Variants in SLC22A24 observed in about 807,000 individuals in gnomAD.
SLC22A24 encodes steroid transmembrane transporter SLC22A24.
A neutral mutation model predicts 49.8 loss-of-function variants in SLC22A24; 53 were observed. The ratio of observed to expected loss-of-function variants is 1.06; its 90% CI spans 0.85 to 1.34. The LOEUF is 1.34. SLC22A24 is among the 40% of genes most tolerant of loss of function. SLC22A24 has a pLI of 0.00. For missense variants in SLC22A24, 786 were observed against 675.9 expected (o/e 1.16, Z -1.81); for synonymous variants, 302 against 256.4 (o/e 1.18, Z -1.70).
At chr11:63,115,534 A>C (rs2087206309) in intron 4 of SLC22A24, among the ~76,000 whole-genome samples, 1 of 152,130 alleles carries the variant, frequency 6.6e-6, no homozygotes, top group Non-Finnish European at 1.5e-5. Context: ...GTGAGGCAAC[A>C]CTGCGCCCTG....
chr11:63,123,100 A>T (rs2087263623), intron 2 of SLC22A24, among the ~76,000 whole-genome samples: 2 of 152,202 alleles, frequency 1.3e-5, no homozygotes, highest in South Asian at 2.1e-4. Flanking sequence ...GAGAACATCT[A>T]GAATGAAAAA....
chr11:63,112,626 A>G (rs1318898260), intron 4 of SLC22A24, among the ~76,000 whole-genome samples: 1 of 151,808 alleles, frequency 6.6e-6, no homozygotes, highest in African/African-American at 2.4e-5. Context: ...AGTTGTGCTC[A>G]GATCTTAGTT....
chr11:63,092,905 C>T (rs1249918005), intron 6 of SLC22A24, among the ~76,000 whole-genome samples: 1 of 151,992 alleles, frequency 6.6e-6, no homozygotes, highest in African/African-American at 2.4e-5. Flanking sequence ...AGTGAACAGG[C>T]AACCTACAGA....
intron 5 of SLC22A24, among the ~76,000 whole-genome samples, chr11:63,100,752 A>G (rs907157483): frequency 6.6e-6 from 1 of 152,134 alleles, no homozygotes; most frequent in African/African-American, 2.4e-5. Flanking sequence ...AAATCCCTAC[A>G]TCTACAGTGA....
chr11:63,133,450 G>T (rs938513383), intron 2 of SLC22A24, among the ~76,000 whole-genome samples: 1 of 152,080 alleles, frequency 6.6e-6, no homozygotes, highest in Non-Finnish European at 1.5e-5. Flanking sequence ...TCTTGGAAGT[G>T]ATCCCAGGTC....
At chr11:63,088,442 A>G (rs2087000407) in intron 6 of SLC22A24, among the ~76,000 whole-genome samples, 1 of 150,982 alleles carries the variant, frequency 6.6e-6, no homozygotes, top group Admixed American at 6.6e-5. Flanking sequence ...CAGCCTCAAC[A>G]ATCAAAGGTA....
At chr11:63,115,348 C>T (rs2087204709) in intron 4 of SLC22A24, among the ~76,000 whole-genome samples, 1 of 152,186 alleles carries the variant, frequency 6.6e-6, no homozygotes. Context: ...AGCAAGGCTC[C>T]GTGGGCATGG....
chr11:63,081,548 G>A lies in SLC22A24; in HGVS notation c.1394+10C>T, dbSNP rs986947999. The A allele has an allele frequency of 1.1e-5, 17 of 1,537,634 alleles. No homozygotes were observed. The highest frequency in any genetic ancestry group is 1.7e-4 in the Middle Eastern group (1 of 5,992). Reference sequence around the variant, plus strand: ...GTGTTTTGAAACCAGATGGTCTTTAGCTCTTGTACCTCAATATGGTGGGGA... The same window carrying A: ...GTGTTTTGAAACCAGATGGTCTTTAACTCTTGTACCTCAATATGGTGGGGA... On this transcript the variant is annotated intron_variant, in intron 8 of 9. Transcript: ENST00000612278.
intron 4 of SLC22A24, among the ~76,000 whole-genome samples, chr11:63,105,580 T>A (rs2087115755): frequency 6.6e-6 from 1 of 152,172 alleles, no homozygotes; most frequent in South Asian, 2.1e-4. Flanking sequence ...GCCCAAGTTG[T>A]CCCTTGGCCC....
intron 6 of SLC22A24, among the ~76,000 whole-genome samples, chr11:63,090,244 T>C (rs1179876187): frequency 6.6e-6 from 1 of 151,860 alleles, no homozygotes; most frequent in Admixed American, 6.6e-5. Flanking sequence ...AGGCTTAGAC[T>C]CCCACACAAT....
At chr11:63,100,692 T>C (rs1174933047) in intron 5 of SLC22A24, among the ~76,000 whole-genome samples, 1 of 152,120 alleles carries the variant, frequency 6.6e-6, no homozygotes, top group Non-Finnish European at 1.5e-5. Flanking sequence ...AACAGCATGG[T>C]ACTGGCATAA....
chr11:63,083,745 T>C (rs1378768422), intron 6 of SLC22A24, among the ~76,000 whole-genome samples: 1 of 152,172 alleles, frequency 6.6e-6, no homozygotes, highest in Non-Finnish European at 1.5e-5. Context: ...ACATACATAT[T>C]ATCAATGAAA....
chr11:63,104,389 A>G (rs905341902), intron 4 of SLC22A24, 91 bp from the exon 5 acceptor site: 4 of 1,338,782 alleles, frequency 3.0e-6, no homozygotes, highest in Admixed American at 2.6e-5. Flanking sequence ...TTGATTTAAT[A>G]CAGACATTAT....
intron 4 of SLC22A24, among the ~76,000 whole-genome samples, chr11:63,114,980 C>A (rs1297472315): frequency 6.6e-6 from 1 of 152,150 alleles, no homozygotes; most frequent in Non-Finnish European, 1.5e-5. Flanking sequence ...TCTGTCAGCC[C>A]CTACTGGGAG....
intron 5 of SLC22A24, among the ~76,000 whole-genome samples, chr11:63,096,326 C>A (rs1216399606): frequency 1.3e-5 from 2 of 152,042 alleles, no homozygotes; most frequent in Non-Finnish European, 2.9e-5. Flanking sequence ...AGGAATAAAA[C>A]CAGGTTAAAC....
chr11:63,103,511 G>C (rs1347999969), intron 5 of SLC22A24, among the ~76,000 whole-genome samples: 5 of 152,012 alleles, frequency 3.3e-5, no homozygotes, highest in South Asian at 4.1e-4. Context: ...GTACACCCTG[G>C]TAGGCAATAA....
chr11:63,118,625 G>C, intron 4 of SLC22A24: 1 of 555,438 alleles, frequency 1.8e-6, no homozygotes. Context: ...TATTCCAAAA[G>C]TTAGATAAAT....
intron 4 of SLC22A24, among the ~76,000 whole-genome samples, chr11:63,108,163 A>G (rs1039018891): frequency 1.2e-4 from 18 of 152,144 alleles, no homozygotes; most frequent in Non-Finnish European, 2.2e-4. Context: ...AATTTTGTCA[A>G]AGGCCTTTTC....
chr11:63,114,209 CA>C (rs2134662534), intron 4 of SLC22A24, among the ~76,000 whole-genome samples: 1 of 152,324 alleles, frequency 6.6e-6, no homozygotes, highest in South Asian at 2.1e-4. Flanking sequence ...ACCAATTAAA[CA>C]TAGATTTTGT....
Sources: gnomAD v4.1 joint callset for allele counts (sites outside exome capture counted in the v4.1 genomes callset) on GRCh38, gnomAD v4.1.1 for gene constraint, MANE v1.5 for transcripts, NCBI Gene and HGNC (gene_info 2026-07-23, HGNC 2026-07-21) for gene names.